Variants in FGF12 observed in about 807,000 individuals in gnomAD.
FGF12 encodes the protein fibroblast growth factor 12B.
FGF12 carries 14 observed loss-of-function variants against 23.6 expected under a neutral mutation model. The ratio of observed to expected loss-of-function variants is 0.59; its 90% CI spans 0.39 to 0.93. FGF12 has a LOEUF of 0.93. Ranked by LOEUF, FGF12 falls within the 40% of genes least tolerant of loss-of-function variation. The pLI is 0.00. For synonymous variants in FGF12, 62 were observed against 77.3 expected (o/e 0.80, Z 1.04); for missense variants, 175 against 217.8 (o/e 0.80, Z 1.24).
At chr3:192,555,803 A>G (rs76582883) in intron 2 of FGF12, among the ~76,000 whole-genome samples, 2,800 of 144,042 alleles carry the variant, frequency 0.019, 84 homozygotes, top group African/African-American at 0.067. Flanking sequence ...CATCTCGGGG[A>G]AAAAAAAAAA....
At chr3:192,350,316 T>C (rs912571206) in intron 3 of FGF12, among the ~76,000 whole-genome samples, 9 of 152,036 alleles carry the variant, frequency 5.9e-5, no homozygotes, top group Non-Finnish European at 1.3e-4. Flanking sequence ...GATGGCATAA[T>C]TAGTGAAAGA....
At chr3:192,274,131 AAAAG>A (rs1322098939) in intron 4 of FGF12, among the ~76,000 whole-genome samples, 1 of 151,648 alleles carries the variant, frequency 6.6e-6, no homozygotes, top group Non-Finnish European at 1.5e-5. Context: ...AGAAAAAATA[AAAAG>A]AAATAGAGTT....
At chr3:192,368,667 T>C (rs2108741247) in intron 2 of FGF12, among the ~76,000 whole-genome samples, 1 of 149,390 alleles carries the variant, frequency 6.7e-6, no homozygotes, top group Non-Finnish European at 1.5e-5. Flanking sequence ...GTTAATAAAG[T>C]TTTTTTTTTC....
chr3:192,565,318 T>C (rs1712226015), intron 2 of FGF12, among the ~76,000 whole-genome samples: 1 of 152,244 alleles, frequency 6.6e-6, no homozygotes, highest in Non-Finnish European at 1.5e-5. Context: ...ATAATTTGCA[T>C]TCTATCAGAG....
intron 2 of FGF12, among the ~76,000 whole-genome samples, chr3:192,496,893 C>T (rs896577208): frequency 6.6e-6 from 1 of 152,192 alleles, no homozygotes; most frequent in African/African-American, 2.4e-5. Context: ...GATTTAGCTC[C>T]TGATGGCTAA....
chr3:192,213,081 C>T (rs1042493596), intron 4 of FGF12, among the ~76,000 whole-genome samples: 1 of 152,216 alleles, frequency 6.6e-6, no homozygotes, highest in Admixed American at 6.5e-5. Context: ...TCAATGTCTA[C>T]AGTTCTGCAC....
intron 2 of FGF12, among the ~76,000 whole-genome samples, chr3:192,595,268 G>T (rs1875731): frequency 0.48 from 73,658 of 151,994 alleles, 18,260 homozygotes; most frequent in African/African-American, 0.59. Flanking sequence ...CTTTCTTTCA[G>T]CTTTTGGAAA....
chr3:192,380,941 T>C (rs1397092068), intron 2 of FGF12, among the ~76,000 whole-genome samples: 1 of 149,648 alleles, frequency 6.7e-6, no homozygotes, highest in East Asian at 1.9e-4. Context: ...TATACAGTAT[T>C]CTATTTATAT....
intron 4 of FGF12, among the ~76,000 whole-genome samples, chr3:192,280,110 GT>G (rs943441082): frequency 5.3e-5 from 8 of 152,060 alleles, no homozygotes; most frequent in Non-Finnish European, 1.2e-4. Flanking sequence ...GCCTAAATGT[GT>G]TTTTTTAAAG....
At chr3:192,528,336 A>G (rs1725004209) in intron 2 of FGF12, among the ~76,000 whole-genome samples, 1 of 152,078 alleles carries the variant, frequency 6.6e-6, no homozygotes, top group Non-Finnish European at 1.5e-5. Flanking sequence ...CTCCAAAATG[A>G]TCTCCTTTGA....
intron 2 of FGF12, chr3:192,516,540 G>A (rs1371561501): frequency 1.3e-5 from 2 of 152,202 alleles, no homozygotes; most frequent in African/African-American, 4.8e-5. Context: ...GAAGTTGCCT[G>A]GAAGAAGTCT....
chr3:192,164,791 A>G (rs1026285748), intron 5 of FGF12, among the ~76,000 whole-genome samples: 3 of 152,152 alleles, frequency 2.0e-5, no homozygotes, highest in Admixed American at 6.6e-5. Context: ...GCCTTTAAAC[A>G]TTACAAACAA....
chr3:192,231,449 T>G (rs554246610), intron 4 of FGF12, among the ~76,000 whole-genome samples: 31 of 152,206 alleles, frequency 2.0e-4, no homozygotes, highest in Non-Finnish European at 3.7e-4. Context: ...CAGGTGGATA[T>G]AAAACTATTA....
At chr3:192,652,186 C>G (rs1716237776) in intron 2 of FGF12, among the ~76,000 whole-genome samples, 1 of 152,074 alleles carries the variant, frequency 6.6e-6, no homozygotes, top group Non-Finnish European at 1.5e-5. Context: ...ACAAGTGGGA[C>G]ATAAAGATAT....
intron 4 of FGF12, among the ~76,000 whole-genome samples, chr3:192,280,843 C>T (rs1019103784): frequency 2.6e-5 from 4 of 152,026 alleles, no homozygotes; most frequent in African/African-American, 9.7e-5. Flanking sequence ...ATGTTTGAGG[C>T]TTTGATGTGA....
At chr3:192,608,635 T>G (rs780433105) in intron 2 of FGF12, among the ~76,000 whole-genome samples, 3 of 152,088 alleles carry the variant, frequency 2.0e-5, no homozygotes, top group African/African-American at 7.2e-5. Flanking sequence ...ACCCAACAGA[T>G]AGAAAAAGCT....
At chr3:192,433,210 T>C (rs1193485836) in intron 2 of FGF12, among the ~76,000 whole-genome samples, 1 of 152,190 alleles carries the variant, frequency 6.6e-6, no homozygotes, top group African/African-American at 2.4e-5. Context: ...CACAGTACTT[T>C]AGATATAGAA....
intron 2 of FGF12, among the ~76,000 whole-genome samples, chr3:192,520,465 G>A (rs1026457045): frequency 6.6e-6 from 1 of 152,038 alleles, no homozygotes; most frequent in Admixed American, 6.6e-5. Flanking sequence ...CAGTATTTAT[G>A]TACACTTATT....
intron 2 of FGF12, among the ~76,000 whole-genome samples, chr3:192,404,182 G>A (rs1270234797): frequency 6.6e-6 from 1 of 152,132 alleles, no homozygotes; most frequent in Non-Finnish European, 1.5e-5. Context: ...GTTCTGGTTT[G>A]AGGTAAGAAA....
Sources: gnomAD v4.1 joint callset for allele counts (sites outside exome capture counted in the v4.1 genomes callset) on GRCh38, gnomAD v4.1.1 for gene constraint, MANE v1.5 for transcripts, NCBI Gene and HGNC (gene_info 2026-07-23, HGNC 2026-07-21) for gene names.